LYZL1: variants seen among roughly 807,000 people sequenced by gnomAD.
LYZL1 encodes lysozyme like 1, also known as lysozyme-like protein 1.
LYZL1 carries 16 observed loss-of-function variants against 17.9 expected under a neutral mutation model. That is an observed-to-expected ratio of 0.90 (90% CI 0.61 to 1.36). The LOEUF (loss-of-function observed/expected upper bound fraction) is 1.36. Ranked by LOEUF, LYZL1 falls within the 40% of genes most tolerant of loss-of-function variation. LYZL1 has a pLI of 0.00. For synonymous variants in LYZL1, 58 were observed against 71.8 expected, an observed-to-expected ratio of 0.81 and a Z score of 0.97; for missense variants, 149 against 188.4, an observed-to-expected ratio of 0.79 and a Z score of 1.22.
At chr10:29,310,960 C>T in intron 4 of LYZL1, 30 bp from the exon 5 acceptor site, 1 of 1,614,160 alleles carries the variant, frequency 6.2e-7, no homozygotes, top group Non-Finnish European at 8.5e-7. Context: ...ACGCTTCTTT[C>T]TGCTGCTCCT....
intron 2 of LYZL1, 24 bp from the exon 3 acceptor site, chr10:29,292,495 C>A: frequency 1.2e-6 from 2 of 1,609,596 alleles, no homozygotes; most frequent in Admixed American, 1.7e-5. Context: ...CCTTTGCTGG[C>A]GTTTCTGGCT....
rs570644205 is a variant in LYZL1, at chr10:29,291,963, G to C, written c.96G>C (p.Ser32=). Residue 32 remains serine (S), a synonymous_variant, in exon 2 of 5, where the codon TCG becomes TCC. Transcript: ENST00000649382. Reference sequence around the variant, plus strand: ...GTTGCAAACTGGCAAAAATATTCTCGAGGGCTGGCCTGGACAATTACTGGG... The same window carrying C: ...GTTGCAAACTGGCAAAAATATTCTCCAGGGCTGGCCTGGACAATTACTGGG... The part of the protein sequence containing the change: ...YTRCKLAKIF[S]RAGLDNYWGF... 5 of 1,578,396 alleles carry C rather than the reference G, an allele frequency of 3.2e-6. No individual in the cohort carries two copies. In the South Asian group the frequency reaches 4.5e-5, roughly 14 times the overall value.
At chr10:29,293,103 CTTTCTTTTTTTTTCTTTTCT>C (rs1304281492) in intron 3 of LYZL1, among the ~76,000 whole-genome samples, 224 of 124,168 alleles carry the variant, frequency 1.8e-3, no homozygotes, top group African/African-American at 6.0e-3. Flanking sequence ...TTTTTCTTTT[CTTTCTTTTTTTTTCTTTTCT>C]TTTCTTTTTT....
rs1162633750 is a variant in LYZL1, at chr10:29,292,536, T to C, written c.157T>C (p.Tyr53His). 1 of 1,614,204 alleles carries C rather than the reference T, an allele frequency of 6.2e-7. No individual in the cohort carries two copies. The highest frequency in any genetic ancestry group is 1.1e-5 in the South Asian group (1 of 91,080). ...SLGNWICMAY[Y>H]ESGYNTTAQT... ...CCCTCCAGGGATCTGCATGGCATAT[T>C]ATGAGAGCGGCTACAACACCACAGC... The change falls in exon 3 of 5, where the codon TAT becomes CAT. Residue 53 changes from tyrosine to histidine, a missense_variant. Physicochemically the swap from Tyr to His is moderately conservative, Grantham distance 83 (BLOSUM62 2). Around this residue, in one of 2 missense-constraint regions of LYZL1, gnomAD observed 130 missense variants for 132.5 expected, o/e 0.98. Coordinates refer to ENST00000649382, the MANE Select transcript of LYZL1 (RefSeq NM_032517.6).
At chr10:29,290,376 C>T (rs1314051579) in intron 1 of LYZL1, among the ~76,000 whole-genome samples, 41 of 152,220 alleles carry the variant, frequency 2.7e-4, no homozygotes, top group Middle Eastern at 3.4e-3. Flanking sequence ...CAGATGATTC[C>T]GCAGGGGTCT....
At chr10:29,292,348 G>T (rs1476764672) in intron 2 of LYZL1, among the ~76,000 whole-genome samples, 171 bp from the exon 3 acceptor site, 2 of 151,988 alleles carry the variant, frequency 1.3e-5, no homozygotes, top group Non-Finnish European at 2.9e-5. Flanking sequence ...TGCCATCCCA[G>T]CCCCCGATGT....
chr10:29,303,559 C>T (rs1276300195), intron 3 of LYZL1, among the ~76,000 whole-genome samples: 2 of 152,138 alleles, frequency 1.3e-5, no homozygotes, highest in East Asian at 3.9e-4. Context: ...GTTAAGGAAG[C>T]CTGGGGCAAA....
intron 3 of LYZL1, among the ~76,000 whole-genome samples, chr10:29,296,824 G>C (rs75826082): frequency 0.01 from 1,534 of 152,246 alleles, 27 homozygotes; most frequent in African/African-American, 0.035. Context: ...ATCCACAGTT[G>C]AAAATCCCTA....
chr10:29,312,493 C>T (rs1202818623), downstream of LYZL1, among the ~76,000 whole-genome samples: 2 of 152,018 alleles, frequency 1.3e-5, no homozygotes, highest in Admixed American at 6.6e-5. Context: ...AGATGGGACA[C>T]CCCTGATTTA....
chr10:29,308,327 G>A (rs1431662415), intron 3 of LYZL1, among the ~76,000 whole-genome samples: 1 of 152,186 alleles, frequency 6.6e-6, no homozygotes, highest in Admixed American at 6.5e-5. Flanking sequence ...CACTCTGATG[G>A]GCGGTGCTCA....
intron 3 of LYZL1, among the ~76,000 whole-genome samples, chr10:29,304,870 A>G (rs187320497): frequency 6.1e-4 from 93 of 152,256 alleles, no homozygotes; most frequent in African/African-American, 1.9e-3. Context: ...AAACATCCCA[A>G]CTGCGCAACT....
At chr10:29,311,260 G>C, downstream of LYZL1, 3 of 1,435,824 alleles carry the variant, frequency 2.1e-6, no homozygotes, top group South Asian at 2.9e-5. Flanking sequence ...TGTCATAATA[G>C]CATGGTGTTA....
downstream of LYZL1, among the ~76,000 whole-genome samples, chr10:29,313,352 G>C (rs891039032): frequency 6.6e-6 from 1 of 152,134 alleles, no homozygotes; most frequent in African/African-American, 2.4e-5. Context: ...TGTCCTGTTA[G>C]TCATCTGCCT....
chr10:29,311,940 C>CA (rs1407363402), downstream of LYZL1, among the ~76,000 whole-genome samples: 1 of 151,770 alleles, frequency 6.6e-6, no homozygotes, highest in African/African-American at 2.4e-5. Context: ...GCCTGGGTGA[C>CA]AGAGCAAGAC....
chr10:29,305,570 C>G (rs1301737905), intron 3 of LYZL1, among the ~76,000 whole-genome samples: 1 of 152,098 alleles, frequency 6.6e-6, no homozygotes, highest in Non-Finnish European at 1.5e-5. Context: ...AAAACATAAG[C>G]TAGTAGTAAT....
chr10:29,298,621 TAAACTA>T (rs2132821992), intron 3 of LYZL1, among the ~76,000 whole-genome samples: 1 of 152,166 alleles, frequency 6.6e-6, no homozygotes, highest in East Asian at 1.9e-4. Flanking sequence ...ACAAAAAGGA[TAAACTA>T]AAACAATAAA....
chr10:29,306,690 ATATT>A (rs778023150), intron 3 of LYZL1, among the ~76,000 whole-genome samples: 16 of 151,968 alleles, frequency 1.1e-4, no homozygotes, highest in Admixed American at 8.5e-4. Flanking sequence ...AAAATAATAT[ATATT>A]TAAAGTAAAT....
At chr10:29,310,501 GAA>G (rs59411669) in intron 4 of LYZL1, among the ~76,000 whole-genome samples, 6,562 of 141,946 alleles carry the variant, frequency 0.046, 154 homozygotes, top group Middle Eastern at 0.12. Flanking sequence ...TTCGAGAGAG[GAA>G]AAAAAAAAAA....
chr10:29,318,212 G>A lies in LYZL1; in HGVS notation c.*200G>A, dbSNP rs1052437483. The A allele has an allele frequency of 2.2e-5, 22 of 984,588 alleles. No homozygotes were observed. The Middle Eastern group carries it at 1.6e-3, about 70-fold the overall frequency. The allele number at this position is 984,588 out of a possible 1,614,324, so 61.0% of individuals were successfully genotyped here. On this transcript the variant is annotated 3_prime_UTR_variant and NMD_transcript_variant, in exon 5 of 5. Coordinates refer to the LYZL1 transcript ENST00000494304. ...AAGTTAAACTCAGCTAGATTTCCCT[G>A]CCTGCTCAAGACCACAACCCCAGTG... is the stretch of plus-strand genomic sequence containing the variant.
Sources: allele counts gnomAD v4.1 joint callset (sites outside exome capture counted in the v4.1 genomes callset), GRCh38; gene constraint gnomAD v4.1.1; regional missense constraint gnomAD v4.1.1; transcripts MANE v1.5; gene names NCBI Gene and HGNC (gene_info 2026-07-23, HGNC 2026-07-21).